The following COL6A2 variants were observed in gnomAD, a reference collection of about 807,000 sequenced individuals.
COL6A2 encodes collagen type VI alpha 2 chain.
In COL6A2, 90 loss-of-function variants were observed where a neutral mutation model predicts 124.9. That is an observed-to-expected ratio of 0.72 (90% CI 0.61 to 0.86). The LOEUF is 0.86. Among genes scored for constraint, COL6A2 ranks in the 40% least tolerant of loss-of-function variants. COL6A2 has a pLI of 0.00. For missense variants in COL6A2, 1,607 were observed against 1,502.5 expected (o/e 1.07, Z -1.15); for synonymous variants, 793 against 618.2 (o/e 1.28, Z -4.19).
intron 15 of COL6A2, among the ~76,000 whole-genome samples, chr21:46,120,112 C>T (rs1222053944): frequency 1.6e-5 from 2 of 122,314 alleles, no homozygotes; most frequent in Admixed American, 7.7e-5. Context: ...AGGCACCACT[C>T]ACACCCCCCG....
chr21:46,130,903 G>A (rs9306148), intron 27 of COL6A2, among the ~76,000 whole-genome samples: 150,227 of 152,302 alleles, frequency 0.99, 74,106 homozygotes, highest in Middle Eastern at 1. Context: ...TGCTCAGACG[G>A]CGTCCATGTC....
At position 46,112,274 on chromosome 21, in the gene COL6A2, G is replaced by T; in HGVS notation, c.411G>T (p.Ala137=). 3 of 1,612,694 alleles carry T rather than the reference G, an allele frequency of 1.9e-6. No homozygotes were observed. The highest frequency in any genetic ancestry group is 2.5e-6 in the Non-Finnish European group (3 of 1,179,962). ...SFRRGTFTDC[A]LANMTEQIRQ... is the part of the protein sequence containing the mutation. ...GCCGCGGCACCTTCACCGACTGCGC[G>T]CTGGCCAACATGACGGAGCAGATCC... is the stretch of plus-strand genomic sequence containing the variant. Residue 137 remains alanine (A), a synonymous_variant, in exon 3 of 28, where the codon GCG becomes GCT. Transcript: ENST00000300527.
At chr21:46,103,602 T>G (rs1388118123) in intron 1 of COL6A2, among the ~76,000 whole-genome samples, 1 of 152,256 alleles carries the variant, frequency 6.6e-6, no homozygotes, top group Non-Finnish European at 1.5e-5. Context: ...ATTTGTGTTT[T>G]CATTTTCACT....
rs1568929371 is a variant in COL6A2 at position 46,116,548 on chromosome 21, C to CTGTGGCCTTGAG, written c.928-101_928-90dup. The CTGTGGCCTTGAG allele has an allele frequency of 1.2e-5, 19 of 1,585,844 alleles. No individual in the cohort carries two copies. The highest frequency in any genetic ancestry group is 3.4e-5 in the Admixed American group (2 of 59,538). On this transcript the variant is annotated intron_variant, in intron 8 of 27. Coordinates refer to ENST00000300527, the MANE Select transcript of COL6A2 (RefSeq NM_001849.4). This position sits in a 1 kb window ranked among gnomAD's most constrained non-coding sequence, Gnocchi z 4.6. ...TGGCTTTGGGGGCTCCTGGGGGGTC[C>CTGTGGCCTTGAG]TGTGGCCTTGAGTTTGGCCCAAGGG...
intron 22 of COL6A2, 66 bp from the exon 23 acceptor site, chr21:46,124,819 G>C: frequency 1.9e-5 from 30 of 1,604,484 alleles, no homozygotes; most frequent in Non-Finnish European, 2.6e-5. Flanking sequence ...AGTGGGCAGT[G>C]GCCTGGGAGA....
At chr21:46,120,811 G>T (rs743504) in intron 16 of COL6A2, among the ~76,000 whole-genome samples, 3 of 151,792 alleles carry the variant, frequency 2.0e-5, no homozygotes, top group Non-Finnish European at 2.9e-5. Context: ...CAAAGTAGGG[G>T]ACCCAGGTGA....
intron 1 of COL6A2, among the ~76,000 whole-genome samples, chr21:46,107,781 C>T (rs1181059919): frequency 6.6e-6 from 1 of 152,194 alleles, no homozygotes; most frequent in Non-Finnish European, 1.5e-5. Context: ...AGCCATCTCT[C>T]CCCGCTTTGA....
At position 46,116,374 on chromosome 21, in the gene COL6A2, C is replaced by T. The variant is rs112317259; in HGVS notation, c.901-3C>T. On this transcript the variant is annotated splice_region_variant and splice_polypyrimidine_tract_variant and intron_variant, in intron 7 of 27. Coordinates refer to ENST00000300527, the MANE Select transcript of COL6A2 (RefSeq NM_001849.4). The surrounding 1 kb of genome is among the most constrained non-coding windows in gnomAD (Gnocchi z 4.6). ...TAATGCCCCTCTCTCCTCCTGCCCC[C>T]AGGGCGTTCCTGGCTTCAAAGGAGA... The T allele has an allele frequency of 2.1e-5, 34 of 1,613,136 alleles. No homozygotes were observed. Among genetic ancestry groups the T allele is most frequent in the Middle Eastern group, 3.3e-4 (2 of 6,062 alleles).
At chr21:46,102,598 C>A (rs1216430732) in intron 1 of COL6A2, among the ~76,000 whole-genome samples, 1 of 151,976 alleles carries the variant, frequency 6.6e-6, no homozygotes, top group Non-Finnish European at 1.5e-5. Context: ...GTGTTTTTAT[C>A]ATGAAAGGGT....
intron 27 of COL6A2, chr21:46,129,477 C>T (rs752662553): frequency 6.3e-7 from 1 of 1,587,646 alleles, no homozygotes; most frequent in Non-Finnish European, 8.6e-7. Context: ...CGAGACCGCG[C>T]TGGCCCTCTG....
intron 27 of COL6A2, among the ~76,000 whole-genome samples, chr21:46,130,383 C>T (rs998887360): frequency 1.3e-5 from 2 of 152,196 alleles, no homozygotes; most frequent in African/African-American, 4.8e-5. Flanking sequence ...GCCCCCACGG[C>T]GAGCTGACCC....
At chr21:46,129,642 C>T (rs896870231) in intron 27 of COL6A2, 6 of 1,426,626 alleles carry the variant, frequency 4.2e-6, no homozygotes, top group Non-Finnish European at 5.5e-6. Flanking sequence ...GGGCAGCTCC[C>T]AGCCTCTTCC....
At chr21:46,131,012 G>A (rs1452757222) in intron 27 of COL6A2, among the ~76,000 whole-genome samples, 2 of 152,216 alleles carry the variant, frequency 1.3e-5, no homozygotes, top group African/African-American at 2.4e-5. Context: ...CACCTCCAGG[G>A]CCCCCAGAAA....
chr21:46,125,680 G>A lies in COL6A2; in HGVS notation c.1969+63G>A, dbSNP rs2078652476. 9.4e-6 allele frequency: 15 copies of A among 1,591,846 alleles called. No individual in the cohort carries two copies. In the South Asian group the frequency reaches 1.7e-4, roughly 18 times the overall value. On this transcript the variant is annotated intron_variant, in intron 25 of 27. Transcript: ENST00000300527. ...CCGGGCGGGGCGTGGGAGGCGATGAGATGGGAGAAGTCCAGACGCGTCCCT... is the reference window on the plus strand; with the variant it reads ...CCGGGCGGGGCGTGGGAGGCGATGAAATGGGAGAAGTCCAGACGCGTCCCT...
rs897824491 is a variant in COL6A2, at chr21:46,116,884, G to C, written c.999+70G>C. The stretch of plus-strand genomic sequence containing the variant: ...CATCCCAGCCTCTGCAGGGCCCCCA[G>C]ATCCAGCCTGATCTGTCAGCTTACA... On this transcript the variant is annotated intron_variant, in intron 10 of 27. Transcript: ENST00000300527. This position sits in a 1 kb window ranked among gnomAD's most constrained non-coding sequence, Gnocchi z 4.6. 1.3e-6 allele frequency: 2 copies of C among 1,492,650 alleles called. No individual in the cohort carries two copies. Among genetic ancestry groups the C allele is most frequent in the East Asian group, 4.5e-5 (2 of 44,086 alleles). 92.5% of individuals were successfully genotyped at this position (1,492,650 alleles called of 1,614,324 possible).
Position 46,116,437 on chromosome 21 carries a change from C to G in COL6A2, c.927+34C>G. 1 of 1,611,894 alleles carries G rather than the reference C, an allele frequency of 6.2e-7. No homozygotes were observed. Among genetic ancestry groups the G allele is most frequent in the Non-Finnish European group, 8.5e-7 (1 of 1,179,542 alleles). ...CTTGCCCTGACAGACCTCAGACCTG[C>G]GCCAGCCTCGGCCCAGACCCACCTC... On this transcript the variant is annotated intron_variant, in intron 8 of 27. Coordinates refer to ENST00000300527, the MANE Select transcript of COL6A2 (RefSeq NM_001849.4). This position sits in a 1 kb window ranked among gnomAD's most constrained non-coding sequence, Gnocchi z 4.6.
At chr21:46,121,266 C>A in intron 17 of COL6A2, 143 bp downstream of exon 17, 1 of 841,322 alleles carries the variant, frequency 1.2e-6, no homozygotes, top group Non-Finnish European at 2.0e-6. Context: ...GGACCTGCTC[C>A]CCTAGACCCC....
At chr21:46,119,340 C>T (rs2078525171) in intron 14 of COL6A2, among the ~76,000 whole-genome samples, 1 of 152,124 alleles carries the variant, frequency 6.6e-6, no homozygotes, top group South Asian at 2.1e-4. Context: ...CATGGTGTTC[C>T]CTAAACCCAG....
At chr21:46,131,635 G>A (rs1233379836) in intron 27 of COL6A2, among the ~76,000 whole-genome samples, 3 of 152,174 alleles carry the variant, frequency 2.0e-5, no homozygotes, top group Admixed American at 1.3e-4. Flanking sequence ...ATGAAAGGAT[G>A]CTTTGGGCCC....
Sources: allele counts gnomAD v4.1 joint callset (sites outside exome capture counted in the v4.1 genomes callset), GRCh38; gene constraint gnomAD v4.1.1; non-coding constraint Gnocchi (gnomAD v3.1); transcripts MANE v1.5; gene names NCBI Gene and HGNC (gene_info 2026-07-23, HGNC 2026-07-21).